Variants in PDZRN4 observed in about 807,000 individuals in gnomAD.
PDZRN4 encodes the protein PDZ domain containing ring finger 4.
In PDZRN4, 70 loss-of-function variants were observed where a neutral mutation model predicts 99.0. That is an observed-to-expected ratio of 0.71 (90% CI 0.58 to 0.86). PDZRN4 has a LOEUF of 0.86. Among genes scored for constraint, PDZRN4 ranks in the 40% least tolerant of loss-of-function variants. PDZRN4 has a pLI of 0.00. For missense variants in PDZRN4, 1,474 were observed against 1,331.2 expected (o/e 1.11, Z -1.67); for synonymous variants, 551 against 501.6 (o/e 1.10, Z -1.32).
At chr12:41,571,372 TCTCTCA>T (rs1372660051) in intron 9 of PDZRN4, among the ~76,000 whole-genome samples, 1,918 of 103,448 alleles carry the variant, frequency 0.019, 26 homozygotes, top group East Asian at 0.075. Context: ...TCTCTCTCTC[TCTCTCA>T]CACACACACA....
rs143307375 is a variant in PDZRN4, at chr12:41,384,651, C to T, written c.844-121805C>T. 4.4e-3 allele frequency among the ~76,000 whole-genome samples: 670 copies of T among 152,218 alleles called. 2 individuals carry two copies. The highest frequency in any genetic ancestry group is 7.3e-3 in the Admixed American group (111 of 15,270). ...CTGTTGACTCTCTCTTATTTCTTGG[C>T]TTGTGAGGCCCTTTTCTTAGCTCTC... On this transcript the variant is annotated intron_variant, in intron 3 of 9. Coordinates refer to ENST00000402685, the MANE Select transcript of PDZRN4 (RefSeq NM_001164595.2).
chr12:41,517,298 G>T (rs1375718292), intron 5 of PDZRN4, among the ~76,000 whole-genome samples: 1 of 152,010 alleles, frequency 6.6e-6, no homozygotes, highest in Non-Finnish European at 1.5e-5. Context: ...CTACATATAT[G>T]ACTTTTATCA....
intron 3 of PDZRN4, among the ~76,000 whole-genome samples, chr12:41,194,826 A>T (rs1210989711): frequency 6.6e-6 from 1 of 152,184 alleles, no homozygotes; most frequent in Non-Finnish European, 1.5e-5. Context: ...ATAACATTTC[A>T]AAAAAGGATG....
chr12:41,222,526 A>AT (rs958338249), intron 3 of PDZRN4, among the ~76,000 whole-genome samples: 1 of 152,002 alleles, frequency 6.6e-6, no homozygotes, highest in Admixed American at 6.6e-5. Context: ...TATTATTTCT[A>AT]TTTTTTTATT....
chr12:41,366,087 A>C (rs1319277693), intron 3 of PDZRN4, among the ~76,000 whole-genome samples: 1 of 152,154 alleles, frequency 6.6e-6, no homozygotes, highest in Non-Finnish European at 1.5e-5. Context: ...GATGACCAAG[A>C]GATGAGAGCA....
intron 3 of PDZRN4, among the ~76,000 whole-genome samples, chr12:41,216,951 G>A (rs1001710683): frequency 6.6e-6 from 1 of 152,018 alleles, no homozygotes; most frequent in Non-Finnish European, 1.5e-5. Flanking sequence ...TCCTCATGTA[G>A]AAATACCTAT....
intron 9 of PDZRN4, among the ~76,000 whole-genome samples, chr12:41,570,751 T>C (rs944631874): frequency 6.6e-6 from 1 of 152,210 alleles, no homozygotes; most frequent in Non-Finnish European, 1.5e-5. Context: ...AATACTATTG[T>C]CACCTTATAA....
intron 1 of PDZRN4, 34 bp downstream of exon 1, chr12:41,189,137 T>A: frequency 1.3e-6 from 2 of 1,557,614 alleles, no homozygotes; most frequent in African/African-American, 1.4e-5. Context: ...GCGGGCATGG[T>A]CGATTGGGGT....
intron 3 of PDZRN4, among the ~76,000 whole-genome samples, chr12:41,199,770 T>C (rs1037072140): frequency 1.3e-5 from 2 of 152,056 alleles, no homozygotes; most frequent in African/African-American, 4.8e-5. Context: ...ACACTGAAAG[T>C]CAAATACCAC....
intron 3 of PDZRN4, among the ~76,000 whole-genome samples, chr12:41,243,625 ATAT>A (rs1951114428): frequency 6.6e-6 from 1 of 152,148 alleles, no homozygotes; most frequent in African/African-American, 2.4e-5. Flanking sequence ...TAAAATAAAT[ATAT>A]TATTAACAAA....
chr12:41,572,020 C>T (rs1485179267), intron 9 of PDZRN4, among the ~76,000 whole-genome samples: 2 of 152,192 alleles, frequency 1.3e-5, no homozygotes, highest in Non-Finnish European at 2.9e-5. Context: ...ATATTATCAC[C>T]TCAGAAATTC....
intron 3 of PDZRN4, among the ~76,000 whole-genome samples, chr12:41,444,521 G>A (rs536459588): frequency 7.2e-5 from 11 of 152,140 alleles, no homozygotes; most frequent in African/African-American, 2.7e-4. Context: ...TCTCAGCATT[G>A]GCTTACTGGA....
intron 3 of PDZRN4, among the ~76,000 whole-genome samples, chr12:41,493,143 A>G (rs1937922178): frequency 6.6e-6 from 1 of 152,218 alleles, no homozygotes; most frequent in South Asian, 2.1e-4. Context: ...AGTTAGCTGC[A>G]TGTGCACTTA....
Position 41,529,580 on chromosome 12 carries a change from C to T in PDZRN4, c.1203+19667C>T, listed in dbSNP as rs559584262. Reference sequence around the variant, plus strand: ...CTACTAGGATAAAAGATATATGCACCTTCTGGCCACAGTGAATTAATATCT... The same window carrying T: ...CTACTAGGATAAAAGATATATGCACTTTCTGGCCACAGTGAATTAATATCT... On this transcript the variant is annotated intron_variant, in intron 5 of 9. Transcript: ENST00000402685. 1.9e-4 allele frequency among the ~76,000 whole-genome samples: 29 copies of T among 152,230 alleles called. 1 individual carries two copies. Among genetic ancestry groups the T allele is most frequent in the African/African-American group, 6.7e-4 (28 of 41,546 alleles).
intron 3 of PDZRN4, among the ~76,000 whole-genome samples, chr12:41,479,576 A>G (rs2120594443): frequency 6.6e-6 from 1 of 152,320 alleles, no homozygotes; most frequent in South Asian, 2.1e-4. Flanking sequence ...CACTGCCATC[A>G]TCATCAGTTC....
chr12:41,259,816 T>A (rs1951225868), intron 3 of PDZRN4, among the ~76,000 whole-genome samples: 1 of 152,158 alleles, frequency 6.6e-6, no homozygotes, highest in African/African-American at 2.4e-5. Context: ...CTTTTAGATA[T>A]CTTCATTGGT....
chr12:41,198,706 C>G (rs1172832884), intron 3 of PDZRN4, among the ~76,000 whole-genome samples: 1 of 151,126 alleles, frequency 6.6e-6, no homozygotes, highest in Non-Finnish European at 1.5e-5. Flanking sequence ...CACATGTATA[C>G]ATATGTAACT....
chr12:41,270,541 T>A (rs1951308506), intron 3 of PDZRN4, among the ~76,000 whole-genome samples: 1 of 152,152 alleles, frequency 6.6e-6, no homozygotes, highest in African/African-American at 2.4e-5. Context: ...GAACTTTGGC[T>A]TTCTCAAAAT....
chr12:41,407,064 A>G (rs894989115), intron 3 of PDZRN4, among the ~76,000 whole-genome samples: 12 of 152,132 alleles, frequency 7.9e-5, no homozygotes, highest in African/African-American at 2.9e-4. Context: ...GCTGTGTGTT[A>G]TGATAAAGAA....
Sources: gnomAD v4.1 joint callset for allele counts (sites outside exome capture counted in the v4.1 genomes callset) on GRCh38, gnomAD v4.1.1 for gene constraint, MANE v1.5 for transcripts, NCBI Gene and HGNC (gene_info 2026-07-23, HGNC 2026-07-21) for gene names.